Variants in CDH13 observed in about 807,000 individuals in gnomAD.
CDH13 encodes cadherin-13.
A neutral mutation model predicts 63.8 loss-of-function variants in CDH13; 24 were observed. That is an observed-to-expected ratio of 0.38 (90% CI 0.27 to 0.53). CDH13 has a LOEUF of 0.53. Ranked by LOEUF, CDH13 falls within the 20% of genes least tolerant of loss-of-function variation. CDH13 has a pLI of 0.85. For missense variants in CDH13, 1,049 were observed against 903.1 expected, an observed-to-expected ratio of 1.16 and a Z score of -2.07; for synonymous variants, 503 against 355.3, an observed-to-expected ratio of 1.42 and a Z score of -4.67.
intron 8 of CDH13, among the ~76,000 whole-genome samples, chr16:83,637,411 G>T (rs368326507): frequency 1.2e-4 from 7 of 59,004 alleles, no homozygotes; most frequent in Admixed American, 5.5e-4. Flanking sequence ...GCGCAGGCCA[G>T]TGTGTGTGCG....
intron 6 of CDH13, among the ~76,000 whole-genome samples, chr16:83,427,511 A>G (rs987284841): frequency 2.6e-5 from 4 of 152,184 alleles, no homozygotes; most frequent in Admixed American, 1.3e-4. Flanking sequence ...CCTAACCCCC[A>G]TGAGACTGAT....
chr16:82,668,008 C>T (rs1912805577), intron 1 of CDH13, among the ~76,000 whole-genome samples: 1 of 152,142 alleles, frequency 6.6e-6, no homozygotes, highest in Admixed American at 6.5e-5. Flanking sequence ...TATCGCGACA[C>T]CATTACCAGG....
rs558793086 is a variant in CDH13 at position 83,110,002 on chromosome 16, G to A, written c.367-15383G>A. ...GGTTTGGCAAATTTTCATCCAAAGC[G>A]TATGTTTTTGTTTTATTTTTTAACT... On this transcript the variant is annotated intron_variant, in intron 3 of 13. Transcript: ENST00000567109. 1.6e-3 allele frequency among the ~76,000 whole-genome samples: 240 copies of A among 152,310 alleles called. 2 individuals carry two copies. The highest frequency in any genetic ancestry group is 0.01 in the Middle Eastern group (3 of 294).
intron 1 of CDH13, chr16:82,824,959 T>G (rs1382410109): frequency 6.6e-6 from 1 of 151,910 alleles, no homozygotes; most frequent in Non-Finnish European, 1.5e-5. Context: ...AGATACCTTC[T>G]AAATATTTAT....
chr16:83,391,497 C>G (rs2091785607), intron 6 of CDH13, among the ~76,000 whole-genome samples: 1 of 152,144 alleles, frequency 6.6e-6, no homozygotes, highest in African/African-American at 2.4e-5. Flanking sequence ...AGCCACCGTG[C>G]CAGCCACACA....
intron 1 of CDH13, among the ~76,000 whole-genome samples, chr16:82,800,269 C>G (rs181117345): frequency 6.6e-6 from 1 of 152,080 alleles, no homozygotes; most frequent in Non-Finnish European, 1.5e-5. Context: ...GAAGTTGGGT[C>G]TCATTCAGTA....
chr16:82,868,413 C>G (rs903774415), intron 2 of CDH13, among the ~76,000 whole-genome samples: 3 of 152,000 alleles, frequency 2.0e-5, no homozygotes, highest in African/African-American at 7.3e-5. Flanking sequence ...ATTATCCTAC[C>G]TAACAAATGT....
chr16:83,724,453 A>C (rs963495681), intron 10 of CDH13, among the ~76,000 whole-genome samples: 2 of 151,822 alleles, frequency 1.3e-5, no homozygotes, highest in Non-Finnish European at 2.9e-5. Flanking sequence ...TGATGAATGC[A>C]TGGGTGGATG....
At chr16:82,978,947 AG>A (rs1456320621) in intron 2 of CDH13, among the ~76,000 whole-genome samples, 2 of 152,126 alleles carry the variant, frequency 1.3e-5, no homozygotes, top group African/African-American at 2.4e-5. Flanking sequence ...AGCAGCCGGG[AG>A]GGGGGTTGTA....
chr16:83,748,356 G>A (rs893855083), intron 11 of CDH13, 106 bp downstream of exon 11: 2 of 1,016,396 alleles, frequency 2.0e-6, no homozygotes, highest in South Asian at 1.8e-5. Flanking sequence ...TGGGAAGAAT[G>A]TAAGTGTGTG....
intron 1 of CDH13, among the ~76,000 whole-genome samples, chr16:82,771,519 C>T (rs142926668): frequency 5.3e-5 from 8 of 152,280 alleles, no homozygotes; most frequent in Non-Finnish European, 7.4e-5. Context: ...GTGCACTCAA[C>T]GACTCTTCCT....
chr16:83,180,496 A>G (rs182447954), intron 4 of CDH13, among the ~76,000 whole-genome samples: 1 of 152,336 alleles, frequency 6.6e-6, no homozygotes, highest in Admixed American at 6.5e-5. Context: ...CGTAGGACTC[A>G]CCTTTTGGTG....
chr16:83,179,504 T>TAAAAA (rs2038261624), intron 4 of CDH13, among the ~76,000 whole-genome samples: 1 of 70,560 alleles, frequency 1.4e-5, no homozygotes, highest in African/African-American at 1.0e-4. Context: ...AAAAAAAAAT[T>TAAAAA]AGCCGGGCGT....
chr16:83,271,996 C>G (rs1042940572), intron 5 of CDH13, among the ~76,000 whole-genome samples: 1 of 152,120 alleles, frequency 6.6e-6, no homozygotes, highest in South Asian at 2.1e-4. Context: ...TTGTCTTGTG[C>G]CTTACAGCTT....
At chr16:83,321,167 T>C (rs2090215334) in intron 5 of CDH13, among the ~76,000 whole-genome samples, 1 of 152,246 alleles carries the variant, frequency 6.6e-6, no homozygotes, top group Non-Finnish European at 1.5e-5. Flanking sequence ...AAGACTGAGC[T>C]GGCAGACACA....
chr16:83,254,999 C>A (rs1382078769), intron 5 of CDH13, among the ~76,000 whole-genome samples: 1 of 29,248 alleles, frequency 3.4e-5, no homozygotes, highest in Admixed American at 4.0e-4. Flanking sequence ...TTCTTTCTTT[C>A]TTTCTTTCTT....
chr16:83,579,757 A>G (rs1336309860), intron 7 of CDH13, among the ~76,000 whole-genome samples: 1 of 152,098 alleles, frequency 6.6e-6, no homozygotes, highest in Admixed American at 6.5e-5. Context: ...GGCTCACAGG[A>G]CACAGGAAGC....
rs919006433 is a variant in CDH13 at position 83,221,643 on chromosome 16, G to T, written c.636+4146G>T. Among the ~76,000 whole-genome samples, 13 of 151,420 alleles carry T rather than the reference G, an allele frequency of 8.6e-5. No homozygotes were observed. The East Asian group carries it at 2.5e-3, about 30-fold the overall frequency. ...GAGTGGGAGACCATCTGTTAGGCGAGTGGGGGAGGAAGACGGTGGGGGGGC... is the reference window on the plus strand; with the variant it reads ...GAGTGGGAGACCATCTGTTAGGCGATTGGGGGAGGAAGACGGTGGGGGGGC... On this transcript the variant is annotated intron_variant, in intron 5 of 13. Coordinates refer to ENST00000567109, the MANE Select transcript of CDH13 (RefSeq NM_001257.5).
chr16:82,676,400 A>AT (rs1242727688), intron 1 of CDH13, among the ~76,000 whole-genome samples: 1 of 148,636 alleles, frequency 6.7e-6, no homozygotes, highest in African/African-American at 2.5e-5. Flanking sequence ...AATTCTGTTG[A>AT]TTTTGTCTGC....
Sources: gnomAD v4.1 joint callset for allele counts (sites outside exome capture counted in the v4.1 genomes callset) on GRCh38, gnomAD v4.1.1 for gene constraint, MANE v1.5 for transcripts, NCBI Gene and HGNC (gene_info 2026-07-23, HGNC 2026-07-21) for gene names.